ONECUT3: variants seen among roughly 807,000 people sequenced by gnomAD.
ONECUT3 encodes the protein one cut domain family member 3.
A neutral mutation model predicts 16.8 loss-of-function variants in ONECUT3; 11 were observed. The ratio of observed to expected loss-of-function variants is 0.66; its 90% CI spans 0.41 to 1.09. The LOEUF (loss-of-function observed/expected upper bound fraction) is 1.09. Ranked by LOEUF, ONECUT3 falls within the 50% of genes least tolerant of loss-of-function variation. The pLI is 0.00. For synonymous variants in ONECUT3, 344 were observed against 310.7 expected (o/e 1.11, Z -1.13); for missense variants, 637 against 629.9 (o/e 1.01, Z -0.12).
At position 1,754,840 on chromosome 19, in the gene ONECUT3, C is replaced by T; in HGVS notation, c.1178C>T (p.Ala393Val). 6.6e-7 allele frequency: 1 copy of T among 1,513,434 alleles called. No homozygotes were observed. The highest frequency in any genetic ancestry group is 1.3e-5 in the South Asian group (1 of 79,978). 93.8% of individuals were successfully genotyped at this position (1,513,434 alleles called of 1,614,324 possible). A position where few individuals can be genotyped will look rare whatever the true frequency, so the allele number is the denominator to read the frequency against. ...GAGCCAGAGTTCCAGCGCATGTCGGCGCTGCGCTTGGCAGGTAGGAGCGTG... is the reference window on the plus strand; with the variant it reads ...GAGCCAGAGTTCCAGCGCATGTCGGTGCTGCGCTTGGCAGGTAGGAGCGTG... ...LQEPEFQRMS[A>V]LRLAACKRKE... The change falls in exon 1 of 2, where the codon GCG becomes GTG. Residue 393 changes from alanine (A) to valine (V), a missense_variant. Ala to Val is a moderately conservative substitution (Grantham distance 64, BLOSUM62 0). This residue lies in a region of ONECUT3 where 183 missense variants were observed against 188.3 expected (regional missense o/e 0.97). Coordinates refer to ENST00000382349, the MANE Select transcript of ONECUT3 (RefSeq NM_001080488.2). This position sits in a 1 kb window ranked among gnomAD's most constrained non-coding sequence, Gnocchi z 7.4.
At position 1,775,432 on chromosome 19, in the gene ONECUT3, T is replaced by A. The variant is rs964048745; in HGVS notation, c.1472T>A (p.Phe491Tyr). ...PGGPAGATAT[F>Y]SKA ...GGCCCCGCCGGCGCCACGGCCACTT[T>A]CTCCAAGGCCTGAGGCGCCCCGGCC... The change falls in exon 2 of 2, where the codon TTC becomes TAC. Residue 491 changes from phenylalanine to tyrosine, a missense_variant. By Grantham distance (22) the Phe-to-Tyr change is conservative (BLOSUM62 3). This residue lies in a region of ONECUT3 where 183 missense variants were observed against 188.3 expected (regional missense o/e 0.97). Coordinates refer to ENST00000382349, the MANE Select transcript of ONECUT3 (RefSeq NM_001080488.2). 1.5e-4 allele frequency: 227 copies of A among 1,521,804 alleles called. No homozygotes were observed. Among genetic ancestry groups the A allele is most frequent in the Non-Finnish European group, 2.0e-4 (222 of 1,136,608 alleles). The allele number at this position is 1,521,804 out of a possible 1,614,324, so 94.3% of individuals were successfully genotyped here.
At position 1,759,060 on chromosome 19, in the gene ONECUT3, A is replaced by G. The variant is rs527384040; in HGVS notation, c.1192+4206A>G. The stretch of plus-strand genomic sequence containing the variant: ...GGATGGTGGAGCCCAGCATGGAGGA[A>G]ACTGAGGCAGGGAGGACCCCCCACC... On this transcript the variant is annotated intron_variant, in intron 1 of 1. Transcript: ENST00000382349. This position sits in a 1 kb window ranked among gnomAD's most constrained non-coding sequence, Gnocchi z 4.1. 6.6e-6 allele frequency among the ~76,000 whole-genome samples: 1 copy of G among 151,966 alleles called. No homozygotes were observed. Among genetic ancestry groups the G allele is most frequent in the African/African-American group, 2.4e-5 (1 of 41,434 alleles).
In ONECUT3 at chr19:1,777,443, CGCACACAGAG is replaced by C. The variant is rs370937056; in HGVS notation, c.*1999_*2008del. On this transcript the variant is annotated 3_prime_UTR_variant, in exon 2 of 2. Coordinates refer to ENST00000382349, the MANE Select transcript of ONECUT3 (RefSeq NM_001080488.2). ...AGACACGCATGCAGGCACACGCAGA[CGCACACAGAG>C]ACACACATGCAGATACACATGCACA... The C allele has an allele frequency of 1.9e-3, 158 of 84,290 alleles. No homozygotes were observed. The highest frequency in any genetic ancestry group is 7.1e-3 in the African/African-American group (144 of 20,358). 5.2% of individuals were successfully genotyped at this position (84,290 alleles called of 1,614,324 possible). A position where few individuals can be genotyped will look rare whatever the true frequency, so the allele number is the denominator to read the frequency against.
chr19:1,754,791 C>G lies in ONECUT3; in HGVS notation c.1129C>G (p.Arg377Gly), dbSNP rs1265735301. ...GCTCAAATCCGGCCGCGAGACCTTC[C>G]GCAGGATGTGGAAGTGGCTGCAGGA... ...SKLKSGRETF[R>G]RMWKWLQEPE... The change falls in exon 1 of 2, where the codon CGC (arginine) becomes GGC (glycine). Residue 377 changes from arginine to glycine, a missense_variant. Arg to Gly is a moderately radical substitution (Grantham distance 125). Coordinates refer to ENST00000382349, the MANE Select transcript of ONECUT3 (RefSeq NM_001080488.2). This position sits in a 1 kb window ranked among gnomAD's most constrained non-coding sequence, Gnocchi z 7.4. 1.9e-6 allele frequency: 3 copies of G among 1,563,150 alleles called. No individual in the cohort carries two copies. Among genetic ancestry groups the G allele is most frequent in the Non-Finnish European group, 2.6e-6 (3 of 1,156,244 alleles).
In ONECUT3 at chr19:1,778,912, A is replaced by ACACACACC. The variant is rs1491103429; in HGVS notation, c.*3468_*3469insACACACCC. ...CACACACACACACACACACACACAC[A>ACACACACC]CCCCTACCTGTTTCCGGACCCCACC... On this transcript the variant is annotated 3_prime_UTR_variant, in exon 2 of 2. Coordinates refer to ENST00000382349, the MANE Select transcript of ONECUT3 (RefSeq NM_001080488.2). 6.9e-5 allele frequency: 9 copies of ACACACACC among 129,614 alleles called. No individual in the cohort carries two copies. Among genetic ancestry groups the ACACACACC allele is most frequent in the Middle Eastern group, 3.9e-3 (1 of 254 alleles). The allele number at this position is 129,614 out of a possible 1,614,324, so 8.0% of individuals were successfully genotyped here.
rs1328737670 is a variant in ONECUT3 at position 1,778,397 on chromosome 19, G to A, written c.*2952G>A. 3 of 152,208 alleles carry A rather than the reference G, an allele frequency of 2.0e-5. No homozygotes were observed. In the East Asian group the frequency reaches 5.8e-4, roughly 29 times the overall value. The allele number at this position is 152,208 out of a possible 1,614,324, so 9.4% of individuals were successfully genotyped here. ...AGGATTACAGGTAGATAGACATTTA[G>A]TGGAGGAAGAGGCTCTCAAAGGCAA... is the stretch of plus-strand genomic sequence containing the variant. On this transcript the variant is annotated 3_prime_UTR_variant, in exon 2 of 2. Coordinates refer to ENST00000382349, the MANE Select transcript of ONECUT3 (RefSeq NM_001080488.2).
rs2067995017 is a variant in ONECUT3 at position 1,766,801 on chromosome 19, G to T, written c.1193-8352G>T. 6.7e-6 allele frequency among the ~76,000 whole-genome samples: 1 copy of T among 148,244 alleles called. No homozygotes were observed. Among genetic ancestry groups the T allele is most frequent in the Admixed American group, 6.6e-5 (1 of 15,192 alleles). ...TTCCGCAGCAGGGTCTTGCAGGCTGGGCTGAGACCCCCCCCCCATGCTCCA... is the reference window on the plus strand; with the variant it reads ...TTCCGCAGCAGGGTCTTGCAGGCTGTGCTGAGACCCCCCCCCCATGCTCCA... On this transcript the variant is annotated intron_variant, in intron 1 of 1. Coordinates refer to ENST00000382349, the MANE Select transcript of ONECUT3 (RefSeq NM_001080488.2). This position sits in a 1 kb window ranked among gnomAD's most constrained non-coding sequence, Gnocchi z 4.0.
At chr19:1,769,410 C>A (rs1403069050) in intron 1 of ONECUT3, among the ~76,000 whole-genome samples, 1 of 152,032 alleles carries the variant, frequency 6.6e-6, no homozygotes, top group African/African-American at 2.4e-5. Flanking sequence ...ATGGTGGGCC[C>A]TGGCAGCATG....
Position 1,753,807 on chromosome 19 carries a change from G to C in ONECUT3, c.145G>C (p.Gly49Arg). 1 of 968,506 alleles carries C rather than the reference G, an allele frequency of 1.0e-6. No individual in the cohort carries two copies. Among genetic ancestry groups the C allele is most frequent in the Non-Finnish European group, 1.2e-6 (1 of 816,838 alleles). 60.0% of individuals were successfully genotyped at this position (968,506 alleles called of 1,614,324 possible). ...GCCCGGGCGCCCGGGCCTGGTGGCCGGCATGGCGAGCCTGCTGGACGGCGG... is the reference window on the plus strand; with the variant it reads ...GCCCGGGCGCCCGGGCCTGGTGGCCCGCATGGCGAGCCTGCTGGACGGCGG... ...VAPGRPGLVA[G>R]MASLLDGGGG... The change falls in exon 1 of 2, where the codon GGC becomes CGC. Residue 49 changes from glycine (G) to arginine (R), a missense_variant. Transcript: ENST00000382349.
rs1449064453 is a variant in ONECUT3, at chr19:1,762,090, G to A, written c.1192+7236G>A. Among the ~76,000 whole-genome samples the A allele has an allele frequency of 6.6e-6, 1 of 152,208 alleles. No homozygotes were observed. Among genetic ancestry groups the A allele is most frequent in the Non-Finnish European group, 1.5e-5 (1 of 68,032 alleles). ...ACCCAGGACCCCCATCCGCCCTCTGGCAGTCTTGAGCCAGCAACTCCCCTA... is the reference window on the plus strand; with the variant it reads ...ACCCAGGACCCCCATCCGCCCTCTGACAGTCTTGAGCCAGCAACTCCCCTA... On this transcript the variant is annotated intron_variant, in intron 1 of 1. Transcript: ENST00000382349. This position sits in a 1 kb window ranked among gnomAD's most constrained non-coding sequence, Gnocchi z 4.4.
rs1004233065 is a variant in ONECUT3 at position 1,753,522 on chromosome 19, G to T, written c.-141G>T. 1.7e-5 allele frequency: 4 copies of T among 235,368 alleles called. No individual in the cohort carries two copies. Among genetic ancestry groups the T allele is most frequent in the Admixed American group, 6.4e-5 (1 of 15,742 alleles). 14.6% of individuals were successfully genotyped at this position (235,368 alleles called of 1,614,324 possible). On this transcript the variant is annotated 5_prime_UTR_variant, in exon 1 of 2. Coordinates refer to ENST00000382349, the MANE Select transcript of ONECUT3 (RefSeq NM_001080488.2). Reference sequence around the variant, plus strand: ...TCCCCTGCCACATCCTGGTGGCCGCGCTCGCAGCCGGGCCGGGCCGTGCGC... The same window carrying T: ...TCCCCTGCCACATCCTGGTGGCCGCTCTCGCAGCCGGGCCGGGCCGTGCGC...
At chr19:1,773,071 A>C (rs1449792964) in intron 1 of ONECUT3, among the ~76,000 whole-genome samples, 1 of 151,978 alleles carries the variant, frequency 6.6e-6, no homozygotes. Context: ...ATATATTCAC[A>C]TTTTAAGAGC....
intron 1 of ONECUT3, among the ~76,000 whole-genome samples, chr19:1,760,949 G>A (rs995159353): frequency 1.4e-4 from 21 of 151,526 alleles, no homozygotes; most frequent in Non-Finnish European, 2.9e-5. Context: ...CTCCCATTCC[G>A]TGCTGCTTCT....
At chr19:1,773,547 C>T (rs985355885) in intron 1 of ONECUT3, among the ~76,000 whole-genome samples, 11 of 152,068 alleles carry the variant, frequency 7.2e-5, no homozygotes, top group Admixed American at 4.6e-4. Context: ...TGTTCTGCAA[C>T]GAAAAGAAAA....
Position 1,779,531 on chromosome 19 carries a change from T to A in ONECUT3, c.*4086T>A, listed in dbSNP as rs2068139450. The A allele has an allele frequency of 6.6e-6, 1 of 151,924 alleles. No homozygotes were observed. Among genetic ancestry groups the A allele is most frequent in the Non-Finnish European group, 1.5e-5 (1 of 67,970 alleles). The allele number at this position is 151,924 out of a possible 1,614,324, so 9.4% of individuals were successfully genotyped here. On this transcript the variant is annotated 3_prime_UTR_variant, in exon 2 of 2. Coordinates refer to ENST00000382349, the MANE Select transcript of ONECUT3 (RefSeq NM_001080488.2). ...TCTGGAGTCATGTCTTATAAGAGTA[T>A]TTATTATTCTCTGTGTTCTGTGTTC...
Position 1,775,137 on chromosome 19 carries a change from C to CCCCCCCCCCCA in ONECUT3, c.1193-16_1193-15insCCCCCCCCCCA. ...GCTGTGTCCCGCTCGCCCGCCCGCC[C>CCCCCCCCCCCA]GCCGCTCGCCCGCAGCCTGCAAGCG... On this transcript the variant is annotated splice_polypyrimidine_tract_variant and intron_variant, in intron 1 of 1. Transcript: ENST00000382349. The CCCCCCCCCCCA allele has an allele frequency of 7.4e-7, 1 of 1,342,914 alleles. No homozygotes were observed. 83.2% of individuals were successfully genotyped at this position (1,342,914 alleles called of 1,614,324 possible).
intron 1 of ONECUT3, among the ~76,000 whole-genome samples, chr19:1,770,854 C>T (rs1396879415): frequency 6.6e-6 from 1 of 152,172 alleles, no homozygotes; most frequent in Non-Finnish European, 1.5e-5. Context: ...ATAAAAGGCT[C>T]CCTGGTACAC....
intron 1 of ONECUT3, among the ~76,000 whole-genome samples, chr19:1,761,986 G>A (rs1394905864): frequency 6.6e-6 from 1 of 152,210 alleles, no homozygotes; most frequent in Admixed American, 6.5e-5. Context: ...CTGGAGAGGC[G>A]TGCCCGGGTC....
At position 1,778,889 on chromosome 19, in the gene ONECUT3, CA is replaced by C; in HGVS notation, c.*3445del. On this transcript the variant is annotated 3_prime_UTR_variant, in exon 2 of 2. Transcript: ENST00000382349. Reference sequence around the variant, plus strand: ...TATCACACACACACACACACACACACACACACACACACACACACACACACCC... The same window carrying C: ...TATCACACACACACACACACACACACCACACACACACACACACACACACCC... The C allele has an allele frequency of 6.6e-6, 1 of 150,996 alleles. No homozygotes were observed. The highest frequency in any genetic ancestry group is 2.5e-5 in the African/African-American group (1 of 40,774). 9.4% of individuals were successfully genotyped at this position (150,996 alleles called of 1,614,324 possible).
Sources: allele counts gnomAD v4.1 joint callset (sites outside exome capture counted in the v4.1 genomes callset), GRCh38; gene constraint gnomAD v4.1.1; regional missense constraint gnomAD v4.1.1; non-coding constraint Gnocchi (gnomAD v3.1); transcripts MANE v1.5; gene names NCBI Gene and HGNC (gene_info 2026-07-23, HGNC 2026-07-21).